KCNH8: variants seen among roughly 807,000 people sequenced by gnomAD.
The protein encoded by KCNH8 is potassium voltage-gated channel subfamily H member 8, also known as voltage-gated delayed rectifier potassium channel KCNH8.
Under a neutral mutation model 103.6 loss-of-function variants are expected in KCNH8, and 70 were observed. The observed-to-expected ratio is 0.68, with a 90% CI of 0.56 to 0.82. The LOEUF is 0.82. Among genes scored for constraint, KCNH8 ranks in the 40% least tolerant of loss-of-function variants. The pLI is 0.00. For missense variants in KCNH8, 1,217 were observed against 1,329.9 expected, an observed-to-expected ratio of 0.92 and a Z score of 1.32; for synonymous variants, 498 against 489.4, an observed-to-expected ratio of 1.02 and a Z score of -0.23.
At chr3:19,212,123 C>A (rs556942873) in intron 1 of KCNH8, among the ~76,000 whole-genome samples, 1 of 152,142 alleles carries the variant, frequency 6.6e-6, no homozygotes, top group Non-Finnish European at 1.5e-5. Context: ...CCTCTTTTAT[C>A]CAGATAGTAA....
At position 19,452,338 on chromosome 3, in the gene KCNH8, T is replaced by C. The variant is rs540723443; in HGVS notation, c.1825+934T>C. 2.0e-5 allele frequency among the ~76,000 whole-genome samples: 3 copies of C among 152,172 alleles called. No homozygotes were observed. In the South Asian group the frequency reaches 6.2e-4, roughly 32 times the overall value. ...AGGTGGAGGGTGCAGTAAGCCAAGA[T>C]AGTGCCACTGAACTCCAGCCTGAGT... is the stretch of plus-strand genomic sequence containing the variant. On this transcript the variant is annotated intron_variant, in intron 10 of 15. Coordinates refer to ENST00000328405, the MANE Select transcript of KCNH8 (RefSeq NM_144633.3).
intron 8 of KCNH8, among the ~76,000 whole-genome samples, chr3:19,441,159 C>T (rs987185529): frequency 2.6e-5 from 4 of 152,160 alleles, no homozygotes; most frequent in African/African-American, 7.2e-5. Flanking sequence ...TGGACCTCCT[C>T]AGACAATCTT....
chr3:19,457,898 T>C (rs953149082), intron 11 of KCNH8, among the ~76,000 whole-genome samples: 1 of 152,026 alleles, frequency 6.6e-6, no homozygotes, highest in African/African-American at 2.4e-5. Flanking sequence ...AGTAAGTATG[T>C]AGATAATATC....
intron 5 of KCNH8, among the ~76,000 whole-genome samples, chr3:19,387,889 T>C (rs1406725881): frequency 1.3e-5 from 2 of 152,208 alleles, no homozygotes; most frequent in East Asian, 1.9e-4. Flanking sequence ...TTTAAAAAGC[T>C]CTTTAAACGA....
At chr3:19,169,378 C>A (rs1036513699) in intron 1 of KCNH8, among the ~76,000 whole-genome samples, 4 of 151,898 alleles carry the variant, frequency 2.6e-5, no homozygotes, top group African/African-American at 9.7e-5. Context: ...CCTGCTTCAG[C>A]CTCCCGAGTA....
chr3:19,255,234 T>A (rs549113932), intron 2 of KCNH8, among the ~76,000 whole-genome samples: 2 of 152,280 alleles, frequency 1.3e-5, no homozygotes, highest in African/African-American at 4.8e-5. Context: ...CTTAGACATC[T>A]AACTTCCAGA....
intron 2 of KCNH8, among the ~76,000 whole-genome samples, chr3:19,262,534 A>G (rs1367284105): frequency 1.3e-5 from 2 of 152,014 alleles, no homozygotes; most frequent in African/African-American, 4.8e-5. Context: ...AGCACATGTG[A>G]CTTCCCCATT....
At chr3:19,433,477 T>G (rs950786770) in intron 7 of KCNH8, among the ~76,000 whole-genome samples, 1 of 152,178 alleles carries the variant, frequency 6.6e-6, no homozygotes. Context: ...TCACAAAATC[T>G]TAGATGTGAA....
intron 3 of KCNH8, among the ~76,000 whole-genome samples, chr3:19,329,686 G>C (rs1021471931): frequency 6.6e-5 from 10 of 152,080 alleles, no homozygotes; most frequent in Non-Finnish European, 1.5e-4. Context: ...GCAAATTTGG[G>C]ATAACTTCAA....
At chr3:19,294,408 A>T (rs1343830326) in intron 3 of KCNH8, among the ~76,000 whole-genome samples, 3 of 152,160 alleles carry the variant, frequency 2.0e-5, no homozygotes, top group Non-Finnish European at 2.9e-5. Context: ...TGTTTGCATA[A>T]TGGAAAAAAA....
At chr3:19,153,635 CTTT>C (rs773828081) in intron 1 of KCNH8, among the ~76,000 whole-genome samples, 3 of 128,900 alleles carry the variant, frequency 2.3e-5, no homozygotes, top group African/African-American at 2.9e-5. Context: ...TTTCTTTTTT[CTTT>C]TTTTTTTTTT....
intron 11 of KCNH8, among the ~76,000 whole-genome samples, chr3:19,500,821 G>C (rs557361263): frequency 2.4e-4 from 36 of 152,142 alleles, no homozygotes; most frequent in Middle Eastern, 6.8e-3. Flanking sequence ...GCCCACAAGA[G>C]AAAGCAGGAA....
intron 11 of KCNH8, among the ~76,000 whole-genome samples, chr3:19,468,985 A>G (rs1229498867): frequency 6.6e-6 from 1 of 152,194 alleles, no homozygotes; most frequent in East Asian, 1.9e-4. Flanking sequence ...TCTGAAATAA[A>G]ATTGGGCTGC....
intron 7 of KCNH8, among the ~76,000 whole-genome samples, chr3:19,406,208 T>G (rs2066688947): frequency 1.3e-5 from 2 of 152,124 alleles, no homozygotes; most frequent in Admixed American, 6.6e-5. Flanking sequence ...TTCTTTCAGG[T>G]TTTATACCAT....
chr3:19,192,109 A>G (rs779043221), intron 1 of KCNH8, among the ~76,000 whole-genome samples: 4 of 151,606 alleles, frequency 2.6e-5, no homozygotes, highest in Admixed American at 1.3e-4. Context: ...TTTGTTTGAC[A>G]GCAAATGCAA....
intron 3 of KCNH8, among the ~76,000 whole-genome samples, chr3:19,299,963 T>C (rs1428434620): frequency 6.6e-6 from 1 of 151,936 alleles, no homozygotes; most frequent in Admixed American, 6.6e-5. Flanking sequence ...TAAAAGAAAA[T>C]ATGGGCCAGG....
At chr3:19,283,172 G>A (rs1025631486) in intron 3 of KCNH8, among the ~76,000 whole-genome samples, 7 of 152,212 alleles carry the variant, frequency 4.6e-5, no homozygotes, top group Admixed American at 6.6e-5. Flanking sequence ...CTAGCATGTC[G>A]CACTAGTAGA....
chr3:19,331,874 T>G (rs1218226440), intron 3 of KCNH8, among the ~76,000 whole-genome samples: 1 of 152,094 alleles, frequency 6.6e-6, no homozygotes, highest in Non-Finnish European at 1.5e-5. Flanking sequence ...CCACGGTGAG[T>G]CTTCTATCAT....
At chr3:19,362,219 C>T (rs1048652734) in intron 5 of KCNH8, among the ~76,000 whole-genome samples, 1 of 152,104 alleles carries the variant, frequency 6.6e-6, no homozygotes, top group Non-Finnish European at 1.5e-5. Context: ...TTTCCATACA[C>T]ACAGGAGTCT....
Sources: gnomAD v4.1 joint callset for allele counts (sites outside exome capture counted in the v4.1 genomes callset) on GRCh38, gnomAD v4.1.1 for gene constraint, MANE v1.5 for transcripts, NCBI Gene and HGNC (gene_info 2026-07-23, HGNC 2026-07-21) for gene names.